The following ALPK2 variants were observed in gnomAD, a reference collection of about 807,000 sequenced individuals.
ALPK2 encodes alpha-protein kinase 2.
In ALPK2, 127 loss-of-function variants were observed where a neutral mutation model predicts 163.1. That is an observed-to-expected ratio of 0.78 (90% CI 0.67 to 0.90). The LOEUF (loss-of-function observed/expected upper bound fraction) is 0.90. Among genes scored for constraint, ALPK2 ranks in the 40% least tolerant of loss-of-function variants. The pLI is 0.00. For synonymous variants in ALPK2, 953 were observed against 959.1 expected (o/e 0.99, Z 0.12); for missense variants, 2,360 against 2,589.6 (o/e 0.91, Z 1.92).
intron 12 of ALPK2, among the ~76,000 whole-genome samples, chr18:58,492,231 C>T (rs547910531): frequency 1.5e-3 from 228 of 152,192 alleles, no homozygotes; most frequent in African/African-American, 5.4e-3. Flanking sequence ...CACACACATA[C>T]ACAGGGACAC....
In ALPK2 at chr18:58,535,229, A is replaced by G. The variant is rs2051637662; in HGVS notation, c.4958T>C (p.Leu1653Ser). 5 of 1,614,130 alleles carry G rather than the reference A, an allele frequency of 3.1e-6. No homozygotes were observed. The East Asian group carries it at 8.9e-5, about 29-fold the overall frequency. The change falls in exon 5 of 13, where the codon TTG becomes TCG. Residue 1653 changes from leucine (L) to serine (S), a missense_variant. Leu to Ser is a moderately radical substitution (Grantham distance 145, BLOSUM62 -2). Transcript: ENST00000361673. ...PSSSSSSAKT[L>S]AFISGERELE... ...CTCACGTTCTCCTGAAATAAATGCC[A>G]AGGTCTTCGCTGAGGAGCTAGATGA...
intron 12 of ALPK2, among the ~76,000 whole-genome samples, chr18:58,491,078 G>A (rs4940718): frequency 0.23 from 34,328 of 152,174 alleles, 4,277 homozygotes; most frequent in South Asian, 0.41. Flanking sequence ...ATCCCCAAAG[G>A]GCTGTGCTGG....
intron 3 of ALPK2, among the ~76,000 whole-genome samples, chr18:58,591,393 GA>G (rs2052014179): frequency 2.0e-5 from 3 of 152,312 alleles, no homozygotes; most frequent in Middle Eastern, 3.4e-3. Flanking sequence ...GGATGATAAA[GA>G]TGTGAAATTC....
chr18:58,531,263 C>CTG lies in ALPK2; in HGVS notation c.5354-2027_5354-2026dup, dbSNP rs1465291693. 6.6e-5 allele frequency among the ~76,000 whole-genome samples: 10 copies of CTG among 152,234 alleles called. No homozygotes were observed. In the East Asian group the frequency reaches 1.2e-3, roughly 18 times the overall value. The stretch of plus-strand genomic sequence containing the variant: ...ATTTCTTTTATAATGATCCAAGTCA[C>CTG]TGCTCCCCTCATCCTAACTCCCGCC... On this transcript the variant is annotated intron_variant, in intron 5 of 12. Transcript: ENST00000361673.
chr18:58,500,691 C>T (rs1354272536), intron 11 of ALPK2, among the ~76,000 whole-genome samples: 1 of 151,960 alleles, frequency 6.6e-6, no homozygotes, highest in Non-Finnish European at 1.5e-5. Context: ...TTGGGAGGCC[C>T]AGGCAGGTGG....
In ALPK2 at chr18:58,536,680, C is replaced by A; in HGVS notation, c.3507G>T (p.Leu1169Phe). Residue 1169 changes from leucine (L) to phenylalanine (F), a missense_variant, in exon 5 of 13, where the codon TTG (leucine) becomes TTT (phenylalanine). Leu to Phe is a conservative substitution (Grantham distance 22). Coordinates refer to ENST00000361673, the MANE Select transcript of ALPK2 (RefSeq NM_052947.4). Reference sequence around the variant, plus strand: ...TTGCGGGTGAGTGGGCCGTGGGCACCAAGTTTCTTTCCTCTTGTGCAGCAG... The same window carrying A: ...TTGCGGGTGAGTGGGCCGTGGGCACAAAGTTTCTTTCCTCTTGTGCAGCAG... ...TTSAAQEERN[L>F]VPTAHSPASS... is the part of the protein sequence containing the mutation. The A allele has an allele frequency of 6.2e-7, 1 of 1,614,126 alleles. No individual in the cohort carries two copies.
intron 4 of ALPK2, among the ~76,000 whole-genome samples, chr18:58,557,456 T>C (rs1284167044): frequency 6.6e-6 from 1 of 151,844 alleles, no homozygotes; most frequent in Non-Finnish European, 1.5e-5. Context: ...GGTTTACCGA[T>C]TGTGACAAAT....
rs1307380513 is a variant in ALPK2 at position 58,485,123 on chromosome 18, T to C, written c.6297-3084A>G. On this transcript the variant is annotated intron_variant, in intron 12 of 12. Transcript: ENST00000361673. The stretch of plus-strand genomic sequence containing the variant: ...ACACAGGGCCCTTCTGAGTGTGAGG[T>C]CCTGTGCACAAATTGCACACGCATG... Among the ~76,000 whole-genome samples, 11 of 152,286 alleles carry C rather than the reference T, an allele frequency of 7.2e-5. No individual in the cohort carries two copies. The East Asian group carries it at 2.1e-3, about 29-fold the overall frequency.
chr18:58,557,749 T>C (rs2144172738), intron 4 of ALPK2, among the ~76,000 whole-genome samples: 1 of 151,616 alleles, frequency 6.6e-6, no homozygotes, highest in South Asian at 2.1e-4. Context: ...TTGGATCAGC[T>C]GTAAAAGAGG....
intron 8 of ALPK2, 23 bp downstream of exon 8, chr18:58,523,782 GC>G: frequency 6.2e-7 from 1 of 1,614,020 alleles, no homozygotes; most frequent in Non-Finnish European, 8.5e-7. Flanking sequence ...ATTTCCTCTG[GC>G]AGGTCAACCC....
At chr18:58,492,044 C>T (rs529384065) in intron 12 of ALPK2, among the ~76,000 whole-genome samples, 86 of 152,326 alleles carry the variant, frequency 5.6e-4, no homozygotes, top group African/African-American at 2.0e-3. Flanking sequence ...TGAATCCTCA[C>T]GAGGGGTGCT....
chr18:58,528,581 T>C (rs1473740340), intron 6 of ALPK2, among the ~76,000 whole-genome samples: 1 of 152,178 alleles, frequency 6.6e-6, no homozygotes, highest in Non-Finnish European at 1.5e-5. Flanking sequence ...TAAACAGGTT[T>C]TCCCATCTTA....
At chr18:58,497,008 G>C (rs1267968920) in intron 12 of ALPK2, among the ~76,000 whole-genome samples, 1 of 152,162 alleles carries the variant, frequency 6.6e-6, no homozygotes, top group African/African-American at 2.4e-5. Context: ...CCAATCCTAG[G>C]ACTGTTTATC....
intron 4 of ALPK2, among the ~76,000 whole-genome samples, chr18:58,549,350 G>T (rs966200400): frequency 1.3e-5 from 2 of 152,190 alleles, no homozygotes; most frequent in Non-Finnish European, 2.9e-5. Flanking sequence ...GAGGACTATG[G>T]TGCAGATTAC....
intron 12 of ALPK2, among the ~76,000 whole-genome samples, chr18:58,489,205 G>A (rs1267753622): frequency 7.2e-5 from 11 of 152,174 alleles, no homozygotes; most frequent in Admixed American, 7.2e-4. Flanking sequence ...TCAGAGGCAC[G>A]TTGTGAGCCA....
At chr18:58,485,410 G>A (rs951431812) in intron 12 of ALPK2, among the ~76,000 whole-genome samples, 4 of 152,150 alleles carry the variant, frequency 2.6e-5, no homozygotes, top group South Asian at 4.2e-4. Flanking sequence ...CTTCCTCTCG[G>A]AAGCTAAAGC....
In ALPK2 at chr18:58,536,446, T is replaced by C; in HGVS notation, c.3741A>G (p.Glu1247=). ...KIITLEASAS[E]IWPPRQLTNS... is the part of the protein sequence containing the mutation. ...TTGTCAGTTGTCGTGGTGGCCAGAT[T>C]TCAGAAGCGGAAGCCTCTAGAGTTA... is the stretch of plus-strand genomic sequence containing the variant. Residue 1247 remains glutamate, a synonymous_variant, in exon 5 of 13, where the codon GAA becomes GAG. Transcript: ENST00000361673. The C allele has an allele frequency of 6.2e-7, 1 of 1,614,128 alleles. No individual in the cohort carries two copies. Among genetic ancestry groups the C allele is most frequent in the Non-Finnish European group, 8.5e-7 (1 of 1,180,014 alleles).
Position 58,565,770 on chromosome 18 carries a change from C to CCTTT in ALPK2, c.1962+13040_1962+13043dup, listed in dbSNP as rs879522857. Among the ~76,000 whole-genome samples the CCTTT allele has an allele frequency of 3.3e-4, 27 of 80,648 alleles. No homozygotes were observed. In the South Asian group the frequency reaches 3.8e-3, roughly 11 times the overall value. 52.9% of individuals were successfully genotyped at this position (80,648 alleles called of 152,430 possible). On this transcript the variant is annotated intron_variant, in intron 4 of 12. Transcript: ENST00000361673. Reference sequence around the variant, plus strand: ...TCCTTCCTTCCTTCCTTCCTTCCTTCCTTTCTTTCTTTCTTTCTTCCTTTC... The same window carrying CCTTT: ...TCCTTCCTTCCTTCCTTCCTTCCTTCCTTTCTTTCTTTCTTTCTTTCTTCCTTTC...
At position 58,579,257 on chromosome 18, in the gene ALPK2, C is replaced by A; in HGVS notation, c.1519G>T (p.Gly507Trp). Residue 507 changes from glycine (G) to tryptophan (W), a missense_variant, in exon 4 of 13, where the codon GGG becomes TGG. Physicochemically the swap from Gly to Trp is radical, Grantham distance 184. Transcript: ENST00000361673. ...GCCGTCTCCCAACACTGGCTCATCC[C>A]TGAGTTTTCTGACTCACCAGACAAG... The part of the protein sequence containing the change: ...KLLSGESENS[G>W]MSQCWETAAD... The A allele has an allele frequency of 6.2e-7, 1 of 1,614,168 alleles. No individual in the cohort carries two copies. The highest frequency in any genetic ancestry group is 8.5e-7 in the Non-Finnish European group (1 of 1,180,018).
Sources: allele counts gnomAD v4.1 joint callset (sites outside exome capture counted in the v4.1 genomes callset), GRCh38; gene constraint gnomAD v4.1.1; transcripts MANE v1.5; gene names NCBI Gene and HGNC (gene_info 2026-07-23, HGNC 2026-07-21).